Variants in AHRR observed in about 807,000 individuals in gnomAD.
AHRR encodes ahR repressor.
In AHRR, 28 loss-of-function variants were observed where a neutral mutation model predicts 44.0. The observed-to-expected ratio is 0.64, with a 90% CI of 0.47 to 0.87. The LOEUF is 0.87. AHRR is among the 40% of genes least tolerant of loss of function. AHRR has a pLI of 0.00. For synonymous variants in AHRR, 434 were observed against 407.0 expected (o/e 1.07, Z -0.80); for missense variants, 990 against 953.9 (o/e 1.04, Z -0.50).
Position 423,837 on chromosome 5 carries a change from G to T in AHRR, c.572-4G>T, listed in dbSNP as rs1486562416. The T allele has an allele frequency of 3.8e-6, 6 of 1,598,520 alleles. No homozygotes were observed. The highest frequency in any genetic ancestry group is 5.1e-6 in the Non-Finnish European group (6 of 1,175,420). On this transcript the variant is annotated splice_region_variant and splice_polypyrimidine_tract_variant and intron_variant, in intron 6 of 10. Transcript: ENST00000684583. ...CCACGCCCCTTGGCCCCTATGGTCT[G>T]CAGGAGATGATGCTATCCTGGGGAG...
chr5:420,394 G>A (rs946635663), intron 5 of AHRR, among the ~76,000 whole-genome samples: 13 of 146,464 alleles, frequency 8.9e-5, no homozygotes, highest in Admixed American at 5.4e-4. Context: ...GGAGGAGTGC[G>A]GACTCCCCGA....
At chr5:376,478 C>A in intron 3 of AHRR, 132 bp from the exon 4 acceptor site, 2 of 23,992 alleles carry the variant, frequency 8.3e-5, no homozygotes, top group Non-Finnish European at 2.8e-4. Flanking sequence ...GCAGAGGGGT[C>A]AGTGCAGCCC....
In AHRR at chr5:405,258, GA is replaced by G. The variant is rs1735206793; in HGVS notation, c.352-8082del. 6.6e-6 allele frequency among the ~76,000 whole-genome samples: 1 copy of G among 152,128 alleles called. No individual in the cohort carries two copies. Among genetic ancestry groups the G allele is most frequent in the African/African-American group, 2.4e-5 (1 of 41,432 alleles). On this transcript the variant is annotated intron_variant, in intron 4 of 10. Transcript: ENST00000684583. This position sits in a 1 kb window ranked among gnomAD's most constrained non-coding sequence, Gnocchi z 4.5. ...CTCTTCCTCGGAGCTGCACGGGAAT[GA>G]AAATGTACAAATACCATGGTTCATG...
chr5:403,493 G>A (rs752013952), intron 4 of AHRR, among the ~76,000 whole-genome samples: 8 of 152,010 alleles, frequency 5.3e-5, no homozygotes, highest in Admixed American at 3.3e-4. Flanking sequence ...AAAATTAGCT[G>A]GGTGTGGTGG....
chr5:345,187 T>TGG, intron 2 of AHRR, among the ~76,000 whole-genome samples: 6 of 16,486 alleles, frequency 3.6e-4, no homozygotes, highest in African/African-American at 7.3e-4. Context: ...TGGGGATGTG[T>TGG]GTGTGTGTGT....
rs144481371 is a variant in AHRR at position 338,922 on chromosome 5, C to A, written c.-10-4971C>A. Among the ~76,000 whole-genome samples the A allele has an allele frequency of 5.3e-4, 81 of 152,198 alleles. No individual in the cohort carries two copies. The highest frequency in any genetic ancestry group is 1.9e-3 in the African/African-American group (80 of 41,520). ...CACATATATTAGGTCTCTTGAAATA[C>A]CTATTTTATTTTTATTGGGGTGCTA... On this transcript the variant is annotated intron_variant, in intron 1 of 10. Transcript: ENST00000684583. This position sits in a 1 kb window ranked among gnomAD's most constrained non-coding sequence, Gnocchi z 4.1.
intron 4 of AHRR, among the ~76,000 whole-genome samples, chr5:385,847 T>C (rs1321451558): frequency 6.6e-6 from 1 of 152,248 alleles, no homozygotes; most frequent in African/African-American, 2.4e-5. Flanking sequence ...ACTCAGTTGA[T>C]GAAAATGTTA....
chr5:370,958 C>A lies in AHRR; in HGVS notation c.245-5652C>A, dbSNP rs569434717. Among the ~76,000 whole-genome samples the A allele has an allele frequency of 1.3e-5, 2 of 152,140 alleles. No homozygotes were observed. Among genetic ancestry groups the A allele is most frequent in the African/African-American group, 4.8e-5 (2 of 41,426 alleles). ...TTAGGGCTCTGCAGAAAAACAGAACCGACCGGAGACAGATATGGGGAGGCT... is the reference window on the plus strand; with the variant it reads ...TTAGGGCTCTGCAGAAAAACAGAACAGACCGGAGACAGATATGGGGAGGCT... On this transcript the variant is annotated intron_variant, in intron 3 of 10. Coordinates refer to ENST00000684583, the MANE Select transcript of AHRR (RefSeq NM_001377236.1). The surrounding 1 kb of genome is among the most constrained non-coding windows in gnomAD (Gnocchi z 4.5).
chr5:381,321 C>G (rs748369527), intron 4 of AHRR, among the ~76,000 whole-genome samples: 2 of 152,130 alleles, frequency 1.3e-5, no homozygotes, highest in Non-Finnish European at 2.9e-5. Flanking sequence ...TAATTGTTGT[C>G]TGAGAATAGA....
In AHRR at chr5:353,770, C is replaced by T. The variant is rs199742068; in HGVS notation, c.103C>T (p.Arg35Ter). The T allele has an allele frequency of 6.8e-6, 11 of 1,613,052 alleles. No individual in the cohort carries two copies. Among genetic ancestry groups the T allele is most frequent in the South Asian group, 2.2e-5 (2 of 91,054 alleles). The change falls in exon 3 of 11, where the codon CGA becomes TGA. Residue 35 changes from arginine (R) to a stop codon, truncating the protein, a stop_gained. Coordinates refer to ENST00000684583, the MANE Select transcript of AHRR (RefSeq NM_001377236.1). LOFTEE classifies it high-confidence loss of function. ...GGCAGAGAAGTCCAACCCCTCCAAG[C>T]GACACCGGGACCGCCTCAACGCCGA... ...VGAEKSNPSK[R>*]HRDRLNAELD... is the part of the protein sequence containing the mutation.
intron 5 of AHRR, chr5:422,478 G>T (rs1334501366): frequency 5.8e-6 from 3 of 515,804 alleles, no homozygotes; most frequent in Admixed American, 3.2e-5. Context: ...CCTCCCGCTT[G>T]CCCCGAAAGG....
At chr5:373,669 G>A (rs1743659419) in intron 3 of AHRR, among the ~76,000 whole-genome samples, 1 of 151,928 alleles carries the variant, frequency 6.6e-6, no homozygotes, top group Admixed American at 6.5e-5. Flanking sequence ...GCTCCCTCCC[G>A]GGGCGGACCC....
intron 3 of AHRR, chr5:367,907 C>T (rs766556766): frequency 4.1e-5 from 29 of 702,558 alleles, no homozygotes; most frequent in South Asian, 3.6e-4. Flanking sequence ...GACACCCAGG[C>T]CCTGAGACGT....
At chr5:324,646 G>A (rs934504369) in intron 1 of AHRR, among the ~76,000 whole-genome samples, 19 of 151,826 alleles carry the variant, frequency 1.3e-4, no homozygotes, top group African/African-American at 4.4e-4. Flanking sequence ...AAAATTAGCC[G>A]GGTGTGGTGG....
intron 1 of AHRR, among the ~76,000 whole-genome samples, chr5:339,668 A>G (rs1032543512): frequency 2.6e-5 from 4 of 152,086 alleles, no homozygotes; most frequent in Non-Finnish European, 5.9e-5. Flanking sequence ...TGTTAGCTAT[A>G]GGCTTTTGTA....
chr5:403,616 T>G, intron 4 of AHRR: 1 of 473,716 alleles, frequency 2.1e-6, no homozygotes, highest in Non-Finnish European at 3.7e-6. Context: ...CCAGCCTAGG[T>G]GACAGAATGA....
chr5:340,628 G>C (rs1226527656), intron 1 of AHRR, among the ~76,000 whole-genome samples: 2 of 127,256 alleles, frequency 1.6e-5, no homozygotes, highest in Non-Finnish European at 3.2e-5. Context: ...CTCAACATAG[G>C]AATTTTGGGT....
At chr5:389,026 G>A (rs929573311) in intron 4 of AHRR, among the ~76,000 whole-genome samples, 2 of 152,160 alleles carry the variant, frequency 1.3e-5, no homozygotes, top group African/African-American at 2.4e-5. Flanking sequence ...TGGGGGCCCT[G>A]CTGGGCCAGA....
At chr5:377,625 G>T (rs1045757288) in intron 4 of AHRR, among the ~76,000 whole-genome samples, 25 of 152,352 alleles carry the variant, frequency 1.6e-4, no homozygotes, top group African/African-American at 6.0e-4. Context: ...CCAGTGCCTG[G>T]GAGGGGCTGC....
Sources: gnomAD v4.1 joint callset for allele counts (sites outside exome capture counted in the v4.1 genomes callset) on GRCh38, gnomAD v4.1.1 for gene constraint, Gnocchi (gnomAD v3.1) non-coding constraint, MANE v1.5 for transcripts, NCBI Gene and HGNC (gene_info 2026-07-23, HGNC 2026-07-21) for gene names.